Variants in ZNF365 observed in about 807,000 individuals in gnomAD.
The protein encoded by ZNF365 is zinc finger protein 365.
Under a neutral mutation model 35.0 loss-of-function variants are expected in ZNF365, and 22 were observed. The ratio of observed to expected loss-of-function variants is 0.63; its 90% CI spans 0.45 to 0.90. The LOEUF is 0.90. ZNF365 is among the 40% of genes least tolerant of loss of function. The pLI is 0.00. For synonymous variants in ZNF365, 188 were observed against 196.2 expected (o/e 0.96, Z 0.35); for missense variants, 448 against 500.3 (o/e 0.90, Z 1.00).
At chr10:62,413,885 A>G (rs1311954575) in intron 3 of ZNF365, among the ~76,000 whole-genome samples, 2 of 152,190 alleles carry the variant, frequency 1.3e-5, no homozygotes, top group Non-Finnish European at 2.9e-5. Context: ...TGAAACAGAA[A>G]TATGCCTGTA....
chr10:62,445,847 A>G (rs1840578583), intron 3 of ZNF365, among the ~76,000 whole-genome samples: 1 of 152,174 alleles, frequency 6.6e-6, no homozygotes, highest in African/African-American at 2.4e-5. Flanking sequence ...CCTCGGTCAG[A>G]CCATGGTAGG....
At chr10:62,445,898 A>C (rs1840579608) in intron 3 of ZNF365, among the ~76,000 whole-genome samples, 1 of 152,184 alleles carries the variant, frequency 6.6e-6, no homozygotes, top group African/African-American at 2.4e-5. Flanking sequence ...GCAGAGATCC[A>C]GCATCTTCTA....
At chr10:62,459,612 C>A in intron 3 of ZNF365, 2 of 1,052,468 alleles carry the variant, frequency 1.9e-6, no homozygotes, top group South Asian at 1.7e-5. Context: ...CTGTTTCTAG[C>A]CTGGGAAAAT....
intron 3 of ZNF365, among the ~76,000 whole-genome samples, chr10:62,415,781 G>A (rs1232403033): frequency 6.6e-6 from 1 of 152,076 alleles, no homozygotes; most frequent in East Asian, 1.9e-4. Context: ...TACTTTGCTG[G>A]TATTTAGTTT....
chr10:62,458,357 GTT>G (rs1415289325), intron 3 of ZNF365, among the ~76,000 whole-genome samples: 1 of 151,912 alleles, frequency 6.6e-6, no homozygotes, highest in Non-Finnish European at 1.5e-5. Flanking sequence ...TCTGCTGATG[GTT>G]TCCTTTTTTG....
intron 2 of ZNF365, among the ~76,000 whole-genome samples, chr10:62,379,324 A>T (rs1257623044): frequency 6.6e-6 from 1 of 152,202 alleles, no homozygotes; most frequent in East Asian, 1.9e-4. Context: ...GTACCCAGCC[A>T]CAAGGTGATT....
chr10:62,473,349 C>G (rs1429593363), intron 4 of ZNF365, among the ~76,000 whole-genome samples: 3 of 152,206 alleles, frequency 2.0e-5, no homozygotes, highest in African/African-American at 4.8e-5. Flanking sequence ...AGTCATCAAA[C>G]AGGAAGTAAA....
chr10:62,398,847 T>C (rs1839775266), intron 4 of ZNF365, 70 bp downstream of exon 4: 1 of 1,394,550 alleles, frequency 7.2e-7, no homozygotes, highest in Admixed American at 2.1e-5. Flanking sequence ...TTGCATTTTA[T>C]ATGAGATCGT....
At chr10:62,470,507 A>G (rs2393884) in intron 4 of ZNF365, among the ~76,000 whole-genome samples, 71,269 of 152,178 alleles carry the variant, frequency 0.47, 20,295 homozygotes, top group Non-Finnish European at 0.63. Context: ...AGGGACACTG[A>G]CAACCTCTGC....
chr10:62,400,969 C>G lies in ZNF365; in HGVS notation c.*1180C>G. 3.0e-6 allele frequency: 3 copies of G among 985,476 alleles called. No homozygotes were observed. Among genetic ancestry groups the G allele is most frequent in the Non-Finnish European group, 3.6e-6 (3 of 829,918 alleles). The allele number at this position is 985,476 out of a possible 1,614,324, so 61.0% of individuals were successfully genotyped here. On this transcript the variant is annotated 3_prime_UTR_variant, in exon 5 of 5. Transcript: ENST00000395254. ...TCCCTCCCTAAAATGGCTTTAGTTT[C>G]CACAAAGAGCTGTTAAGAATTTCCT...
chr10:62,447,880 A>G (rs1297568167), intron 3 of ZNF365, among the ~76,000 whole-genome samples: 3 of 152,196 alleles, frequency 2.0e-5, no homozygotes, highest in African/African-American at 7.2e-5. Flanking sequence ...TTGGTTCAGC[A>G]CTGGGTAAGG....
At chr10:62,389,293 G>A (rs1038167729) in intron 3 of ZNF365, among the ~76,000 whole-genome samples, 3 of 150,740 alleles carry the variant, frequency 2.0e-5, no homozygotes, top group African/African-American at 7.3e-5. Flanking sequence ...GGGGGTGGGT[G>A]GTCATATTTG....
chr10:62,390,840 A>G (rs187198057), intron 3 of ZNF365, among the ~76,000 whole-genome samples: 49 of 152,366 alleles, frequency 3.2e-4, no homozygotes, highest in Admixed American at 2.7e-3. Context: ...ATAAGTATTT[A>G]TGTATCTAAA....
intron 4 of ZNF365, among the ~76,000 whole-genome samples, chr10:62,471,760 G>A (rs1038069212): frequency 3.3e-5 from 5 of 151,990 alleles, no homozygotes; most frequent in Admixed American, 2.0e-4. Context: ...CACTCATAAC[G>A]TCATCTAGAA....
chr10:62,416,018 CA>C (rs1355109579), intron 3 of ZNF365, among the ~76,000 whole-genome samples: 1 of 152,136 alleles, frequency 6.6e-6, no homozygotes, highest in African/African-American at 2.4e-5. Flanking sequence ...TGGTCAGCCA[CA>C]AATTATTCCC....
At chr10:62,374,840 C>T (rs1204202166) in intron 1 of ZNF365, among the ~76,000 whole-genome samples, 1 of 152,192 alleles carries the variant, frequency 6.6e-6, no homozygotes, top group Admixed American at 6.5e-5. Flanking sequence ...TCCCATTGCC[C>T]CCTTAGAATC....
At chr10:62,384,121 T>A (rs548107397) in intron 2 of ZNF365, among the ~76,000 whole-genome samples, 155 of 149,018 alleles carry the variant, frequency 1.0e-3, no homozygotes, top group African/African-American at 2.8e-3. Flanking sequence ...TTTTTTTTTT[T>A]TAAATAAAGA....
At chr10:62,441,323 A>G (rs1284289947) in intron 3 of ZNF365, among the ~76,000 whole-genome samples, 1 of 152,184 alleles carries the variant, frequency 6.6e-6, no homozygotes, top group Non-Finnish European at 1.5e-5. Context: ...TTGTTCATGA[A>G]GCCTTCTTTG....
intron 4 of ZNF365, among the ~76,000 whole-genome samples, chr10:62,471,363 C>T (rs1841034537): frequency 8.8e-6 from 1 of 113,488 alleles, no homozygotes; most frequent in Non-Finnish European, 1.7e-5. Context: ...AAGACTCTGT[C>T]TCAAAAAAAA....
Sources: gnomAD v4.1 joint callset for allele counts (sites outside exome capture counted in the v4.1 genomes callset) on GRCh38, gnomAD v4.1.1 for gene constraint, MANE v1.5 for transcripts, NCBI Gene and HGNC (gene_info 2026-07-23, HGNC 2026-07-21) for gene names.